Variants in SERPINB12 observed in about 807,000 individuals in gnomAD.
SERPINB12 encodes serpin B12.
SERPINB12 carries 57 observed loss-of-function variants against 41.1 expected under a neutral mutation model. The ratio of observed to expected loss-of-function variants is 1.39; its 90% CI spans 1.12 to 1.73. The LOEUF (loss-of-function observed/expected upper bound fraction) is 1.73, where lower values mean the gene tolerates loss of function less well. Among genes scored for constraint, SERPINB12 ranks in the 40% most tolerant of loss-of-function variants. The pLI is 0.00. For missense variants in SERPINB12, 536 were observed against 501.9 expected, an observed-to-expected ratio of 1.07 and a Z score of -0.65; for synonymous variants, 180 against 181.3, an observed-to-expected ratio of 0.99 and a Z score of 0.06.
chr18:63,569,195 A>G lies in SERPINB12; in HGVS notation c.*2184A>G, dbSNP rs188756141. 2.0e-5 allele frequency among the ~76,000 whole-genome samples: 3 copies of G among 152,260 alleles called. No individual in the cohort carries two copies. Among genetic ancestry groups the G allele is most frequent in the East Asian group, 1.9e-4 (1 of 5,176 alleles). On this transcript the variant is annotated 3_prime_UTR_variant, in exon 8 of 8. Transcript: ENST00000382768. ...TTTTGAAGCATGAGAGGGAGAATGT[A>G]TCTATTTACAATAATGAGGAAAATT...
the SERPINB12 span, among the ~76,000 whole-genome samples, chr18:63,523,391 G>A: frequency 6.6e-6 from 1 of 152,258 alleles, no homozygotes; most frequent in South Asian, 2.1e-4. Flanking sequence ...ATTACTAAAA[G>A]GTAAAGAAAC....
At chr18:63,553,825 A>G (rs1910593447) in intron 1 of SERPINB12, among the ~76,000 whole-genome samples, 1 of 152,136 alleles carries the variant, frequency 6.6e-6, no homozygotes, top group Non-Finnish European at 1.5e-5. Flanking sequence ...TAGATGGGTA[A>G]TGTGAGCTAT....
intron 1 of SERPINB12, among the ~76,000 whole-genome samples, chr18:63,550,872 A>G (rs1317775234): frequency 1.3e-5 from 2 of 152,134 alleles, no homozygotes; most frequent in Non-Finnish European, 2.9e-5. Flanking sequence ...GTGGCTAACC[A>G]CAGTTCTCCC....
At chr18:63,563,279 G>A (rs1457211703) in intron 5 of SERPINB12, among the ~76,000 whole-genome samples, 1 of 152,174 alleles carries the variant, frequency 6.6e-6, no homozygotes, top group Non-Finnish European at 1.5e-5. Flanking sequence ...GCTATGTTGA[G>A]TGCTTGAGAC....
intron 4 of SERPINB12, among the ~76,000 whole-genome samples, chr18:63,560,168 G>A (rs559040403): frequency 6.6e-6 from 1 of 152,302 alleles, no homozygotes; most frequent in East Asian, 1.9e-4. Context: ...TCTTTTGAGA[G>A]TGGGGTAGCA....
At chr18:63,533,971 A>G in the SERPINB12 span, among the ~76,000 whole-genome samples, 1 of 152,190 alleles carries the variant, frequency 6.6e-6, no homozygotes, top group Non-Finnish European at 1.5e-5. Context: ...ATCTCCAGAG[A>G]ACAAATCTGT....
intron 4 of SERPINB12, 80 bp downstream of exon 4, chr18:63,559,798 T>C: frequency 6.9e-7 from 1 of 1,441,494 alleles, no homozygotes; most frequent in Non-Finnish European, 9.6e-7. Context: ...GTTACTCACC[T>C]GCCATCTAGA....
At chr18:63,521,448 G>A in the SERPINB12 span, among the ~76,000 whole-genome samples, 1 of 152,154 alleles carries the variant, frequency 6.6e-6, no homozygotes, top group Non-Finnish European at 1.5e-5. Context: ...AATTCTTTTA[G>A]CAACATTTGA....
rs1346518339 is a variant in SERPINB12 at position 63,568,256 on chromosome 18, C to T, written c.*1245C>T. On this transcript the variant is annotated 3_prime_UTR_variant, in exon 8 of 8. Coordinates refer to ENST00000382768, the MANE Select transcript of SERPINB12 (RefSeq NM_001307928.2). ...ATTAGCCGGGCGTGGTGGTGTGCAC[C>T]TATAGTCCCAGCTACTCGGGAGGCT... is the stretch of plus-strand genomic sequence containing the variant. 6.6e-6 allele frequency among the ~76,000 whole-genome samples: 1 copy of T among 152,140 alleles called. No homozygotes were observed. The highest frequency in any genetic ancestry group is 1.9e-4 in the East Asian group (1 of 5,176).
At chr18:63,533,783 A>T in the SERPINB12 span, among the ~76,000 whole-genome samples, 2 of 152,178 alleles carry the variant, frequency 1.3e-5, no homozygotes, top group South Asian at 2.1e-4. Flanking sequence ...ACAAGCTTAG[A>T]ATTACAGAAA....
At chr18:63,551,083 C>T (rs902420187) in intron 1 of SERPINB12, among the ~76,000 whole-genome samples, 2 of 151,824 alleles carry the variant, frequency 1.3e-5, no homozygotes, top group Non-Finnish European at 2.9e-5. Context: ...TCCTGCCTAA[C>T]ACGGTGAAAC....
chr18:63,563,024 G>C lies in SERPINB12; in HGVS notation c.563-954G>C, dbSNP rs549597285. Among the ~76,000 whole-genome samples, 3 of 152,266 alleles carry C rather than the reference G, an allele frequency of 2.0e-5. No individual in the cohort carries two copies. In the South Asian group the frequency reaches 6.2e-4, roughly 32 times the overall value. On this transcript the variant is annotated intron_variant, in intron 5 of 7. Coordinates refer to ENST00000382768, the MANE Select transcript of SERPINB12 (RefSeq NM_001307928.2). ...CCAGAGCTGAGCCCAAAGGTGGAAG[G>C]CCTGAGGACCCATTCCTGCCAGTCT... is the stretch of plus-strand genomic sequence containing the variant.
intron 2 of SERPINB12, among the ~76,000 whole-genome samples, chr18:63,557,695 C>T (rs905584081): frequency 6.6e-6 from 1 of 152,180 alleles, no homozygotes; most frequent in Admixed American, 6.5e-5. Context: ...TTGAGGGCAC[C>T]TGCTGACCAA....
chr18:63,558,528 A>G, intron 3 of SERPINB12, 42 bp downstream of exon 3: 1 of 1,571,234 alleles, frequency 6.4e-7, no homozygotes. Flanking sequence ...TCTTTTTTAC[A>G]AACTGCTTAT....
At chr18:63,530,249 G>A in the SERPINB12 span, among the ~76,000 whole-genome samples, 2 of 152,166 alleles carry the variant, frequency 1.3e-5, no homozygotes, top group South Asian at 2.1e-4. Context: ...AGTGTTTTGA[G>A]GATAGGGTGG....
chr18:63,559,410 C>A (rs1241475142), intron 3 of SERPINB12, among the ~76,000 whole-genome samples, 168 bp from the exon 4 acceptor site: 1 of 152,144 alleles, frequency 6.6e-6, no homozygotes, highest in Non-Finnish European at 1.5e-5. Context: ...TTCTCACCCT[C>A]CATTCCTCTG....
At chr18:63,535,036 T>A in the SERPINB12 span, among the ~76,000 whole-genome samples, 2 of 152,196 alleles carry the variant, frequency 1.3e-5, no homozygotes, top group African/African-American at 2.4e-5. Context: ...AGACAAACTA[T>A]GCTCAGTCAG....
chr18:63,522,069 C>A, the SERPINB12 span, among the ~76,000 whole-genome samples: 1 of 152,088 alleles, frequency 6.6e-6, no homozygotes, highest in Admixed American at 6.6e-5. Context: ...CACAGATAAT[C>A]AAAATAAGAC....
At chr18:63,565,077 C>T (rs1911048443) in intron 6 of SERPINB12, among the ~76,000 whole-genome samples, 1 of 152,068 alleles carries the variant, frequency 6.6e-6, no homozygotes, top group Admixed American at 6.5e-5. Context: ...GCCCCAGCTA[C>T]TCAGGAAGCT....
Sources: allele counts gnomAD v4.1 joint callset (sites outside exome capture counted in the v4.1 genomes callset), GRCh38; gene constraint gnomAD v4.1.1; transcripts MANE v1.5; gene names NCBI Gene and HGNC (gene_info 2026-07-23, HGNC 2026-07-21).